The following SYT4 variants were observed in gnomAD, a reference collection of about 807,000 sequenced individuals.
SYT4 encodes the protein synaptotagmin 4.
In SYT4, 7 loss-of-function variants were observed where a neutral mutation model predicts 32.9. The ratio of observed to expected loss-of-function variants is 0.21; its 90% CI spans 0.12 to 0.40. The LOEUF (loss-of-function observed/expected upper bound fraction) is 0.40. Ranked by LOEUF, SYT4 falls within the 10% of genes least tolerant of loss-of-function variation. SYT4 has a pLI of 1.00. For synonymous variants in SYT4, 205 were observed against 186.2 expected, an observed-to-expected ratio of 1.10 and a Z score of -0.82; for missense variants, 480 against 488.0, an observed-to-expected ratio of 0.98 and a Z score of 0.16.
At chr18:43,275,968 G>T (rs1390219980) in intron 1 of SYT4, among the ~76,000 whole-genome samples, 1 of 152,092 alleles carries the variant, frequency 6.6e-6, no homozygotes, top group Non-Finnish European at 1.5e-5. Flanking sequence ...TGAACTGAGA[G>T]AGTTCTTTAG....
chr18:43,270,324 A>T lies in SYT4; in HGVS notation c.*17T>A. The T allele has an allele frequency of 6.2e-7, 1 of 1,605,352 alleles. No homozygotes were observed. The highest frequency in any genetic ancestry group is 8.5e-7 in the Non-Finnish European group (1 of 1,173,962). On this transcript the variant is annotated 3_prime_UTR_variant, in exon 4 of 4. Coordinates refer to ENST00000255224, the MANE Select transcript of SYT4 (RefSeq NM_020783.4). Reference sequence around the variant, plus strand: ...TGCCTAGTAAAAACCTTTAAGTTCCAACTCACGGCTAGGATGCTAACCATC... The same window carrying T: ...TGCCTAGTAAAAACCTTTAAGTTCCTACTCACGGCTAGGATGCTAACCATC...
Position 43,271,624 on chromosome 18 carries a change from G to A in SYT4, c.970+88C>T. On this transcript the variant is annotated intron_variant, in intron 3 of 3. Transcript: ENST00000255224. ...CAGATACATAAGGTATTAGAGAAAA[G>A]ATAGAAGAGTAAGAGTAGGTGGGCT... 6 of 1,526,718 alleles carry A rather than the reference G, an allele frequency of 3.9e-6. 1 individual carries two copies. In the South Asian group the frequency reaches 7.3e-5, roughly 19 times the overall value. 94.6% of individuals were successfully genotyped at this position (1,526,718 alleles called of 1,614,324 possible).
chr18:43,270,154 A>G lies in SYT4; in HGVS notation c.*187T>C, dbSNP rs893614485. 3.2e-6 allele frequency: 2 copies of G among 632,584 alleles called. No homozygotes were observed. Among genetic ancestry groups the G allele is most frequent in the Non-Finnish European group, 2.7e-6 (1 of 367,150 alleles). 39.2% of individuals were successfully genotyped at this position (632,584 alleles called of 1,614,324 possible). A position where few individuals can be genotyped will look rare whatever the true frequency, so the allele number is the denominator to read the frequency against. On this transcript the variant is annotated 3_prime_UTR_variant, in exon 4 of 4. Coordinates refer to ENST00000255224, the MANE Select transcript of SYT4 (RefSeq NM_020783.4). ...TGAAAATTTATCCAACTCTTCTAAT[A>G]AATAGGGAAATTATCATAATACACA...
Position 43,274,353 on chromosome 18 carries a change from G to A in SYT4, c.76C>T (p.Leu26=). The A allele has an allele frequency of 6.2e-7, 1 of 1,609,864 alleles. No homozygotes were observed. Among genetic ancestry groups the A allele is most frequent in the South Asian group, 1.1e-5 (1 of 90,470 alleles). Residue 26 remains leucine (L), a synonymous_variant, in exon 2 of 4, where the codon CTG becomes TTG. Transcript: ENST00000255224. ...GCAAAGAGAGAGACTGTGAAGACCA[G>A]GCCAAATGCACTGAAGATCCCCACC... ...TVVGIFSAFG[L]VFTVSLFAWI...
chr18:43,274,298 T>C lies in SYT4; in HGVS notation c.131A>G (p.Lys44Arg). ...AWICCQRKSS[K>R]SNKTPPYKFV... ...CTTGTATGGAGGAGTCTTGTTAGAC[T>C]TGGATGATTTTCTCTGACAGCAGAT... Residue 44 changes from lysine (K) to arginine (R), a missense_variant, in exon 2 of 4, where the codon AAG becomes AGG. Physicochemically the swap from Lys to Arg is conservative, Grantham distance 26 (BLOSUM62 2). Coordinates refer to ENST00000255224, the MANE Select transcript of SYT4 (RefSeq NM_020783.4). The C allele has an allele frequency of 6.2e-7, 1 of 1,613,858 alleles. No individual in the cohort carries two copies. Among genetic ancestry groups the C allele is most frequent in the South Asian group, 1.1e-5 (1 of 91,082 alleles).
Position 43,274,473 on chromosome 18 carries a change from C to A in SYT4, c.35-79G>T, listed in dbSNP as rs139288295. On this transcript the variant is annotated intron_variant, in intron 1 of 3. Coordinates refer to ENST00000255224, the MANE Select transcript of SYT4 (RefSeq NM_020783.4). ...GAGCCTTTTGAAAAGCCTAATAGAG[C>A]TAGCAATTGCTATAGGTTGGATAGA... 511 of 1,114,116 alleles carry A rather than the reference C, an allele frequency of 4.6e-4. 2 individuals are homozygous for A. In the African/African-American group the frequency reaches 6.7e-3, roughly 15 times the overall value. The allele number at this position is 1,114,116 out of a possible 1,614,324, so 69.0% of individuals were successfully genotyped here. A position where few individuals can be genotyped will look rare whatever the true frequency, so the allele number is the denominator to read the frequency against.
At chr18:43,270,959 T>G (rs892167867) in intron 3 of SYT4, among the ~76,000 whole-genome samples, 6 of 152,064 alleles carry the variant, frequency 3.9e-5, no homozygotes, top group Admixed American at 2.0e-4. Context: ...TGATTACTAT[T>G]AACTTACTCC....
intron 2 of SYT4, among the ~76,000 whole-genome samples, chr18:43,273,044 A>G (rs1300269554): frequency 6.6e-6 from 1 of 152,124 alleles, no homozygotes; most frequent in Non-Finnish European, 1.5e-5. Flanking sequence ...GTAACTACAA[A>G]AATAGCGGGA....
chr18:43,271,709 T>C lies in SYT4; in HGVS notation c.970+3A>G, dbSNP rs2144365645. ...AATCTGAATATTTCAGAAGCATTCT[T>C]ACCTGAAAGTCCGGACACATCAGAT... is the stretch of plus-strand genomic sequence containing the variant. On this transcript the variant is annotated splice_donor_region_variant and intron_variant, in intron 3 of 3. Transcript: ENST00000255224. 2 of 1,612,708 alleles carry C rather than the reference T, an allele frequency of 1.2e-6. No homozygotes were observed. Among genetic ancestry groups the C allele is most frequent in the East Asian group, 2.2e-5 (1 of 44,762 alleles).
chr18:43,276,953 AC>A (rs1207567848), intron 1 of SYT4, among the ~76,000 whole-genome samples: 1 of 152,094 alleles, frequency 6.6e-6, no homozygotes, highest in Non-Finnish European at 1.5e-5. Flanking sequence ...GGAAAAACAG[AC>A]CCCTTTTTCT....
chr18:43,272,104 G>T, intron 2 of SYT4: 2 of 214,688 alleles, frequency 9.3e-6, no homozygotes, highest in South Asian at 9.1e-5. Context: ...AATGTTTAAA[G>T]GATATTTAAA....
chr18:43,270,728 T>C, intron 3 of SYT4, 80 bp from the exon 4 acceptor site: 6 of 1,466,224 alleles, frequency 4.1e-6, no homozygotes, highest in Non-Finnish European at 5.6e-6. Flanking sequence ...CCCTTAGAGA[T>C]CATGGCATGC....
In SYT4 at chr18:43,270,637, T is replaced by G; in HGVS notation, c.982A>C (p.Lys328Gln). 1 of 1,613,656 alleles carries G rather than the reference T, an allele frequency of 6.2e-7. No individual in the cohort carries two copies. The highest frequency in any genetic ancestry group is 8.5e-7 in the Non-Finnish European group (1 of 1,179,748). ...DVSGLSDPYV[K>Q]VNLYHAKKRI... ...TTTTTGGCATGGTACAGGTTCACTT[T>G]GACATAGGGATCTGCAGTGGAACAT... The change falls in exon 4 of 4, where the codon AAA (lysine) becomes CAA (glutamine). Residue 328 changes from lysine (K) to glutamine (Q), a missense_variant. Lys to Gln is a moderately conservative substitution (Grantham distance 53). Coordinates refer to ENST00000255224, the MANE Select transcript of SYT4 (RefSeq NM_020783.4).
rs958575491 is a variant in SYT4, at chr18:43,273,665, C to G, written c.764G>C (p.Gly255Ala). 1 of 1,613,774 alleles carries G rather than the reference C, an allele frequency of 6.2e-7. No homozygotes were observed. The highest frequency in any genetic ancestry group is 1.1e-5 in the South Asian group (1 of 91,060). ...TCCCGAGAGAGGAATTAGAACTTCC[C>G]CAATGATATCATCTCTTGAAAACCT... ...FDRFSRDDII[G>A]EVLIPLSGIE... The change falls in exon 2 of 4, where the codon GGG becomes GCG. Residue 255 changes from glycine to alanine, a missense_variant. By Grantham distance (60) the Gly-to-Ala change is moderately conservative. Transcript: ENST00000255224.
intron 3 of SYT4, among the ~76,000 whole-genome samples, chr18:43,271,285 C>G (rs892095783): frequency 3.9e-5 from 6 of 152,042 alleles, no homozygotes; most frequent in Admixed American, 1.3e-4. Context: ...TTTAGCTTCA[C>G]AATCTAATCT....
In SYT4 at chr18:43,273,958, G is replaced by A. The variant is rs1215257625; in HGVS notation, c.471C>T (p.Leu157=). 1 of 1,613,980 alleles carries A rather than the reference G, an allele frequency of 6.2e-7. No individual in the cohort carries two copies. Among genetic ancestry groups the A allele is most frequent in the East Asian group, 2.2e-5 (1 of 44,834 alleles). ...CGAAGTTGTATTCTAAGGAGAAGAA[G>A]AGAGTTCCCAGCTTCTCTTGTTTCT... The part of the protein sequence containing the change: ...SEEKQEKLGT[L]FFSLEYNFER... Residue 157 remains leucine, a synonymous_variant, in exon 2 of 4, where the codon CTC becomes CTT. Coordinates refer to ENST00000255224, the MANE Select transcript of SYT4 (RefSeq NM_020783.4).
chr18:43,276,258 C>T (rs950416505), intron 1 of SYT4, among the ~76,000 whole-genome samples: 1 of 152,082 alleles, frequency 6.6e-6, no homozygotes. Context: ...AACGTGGAAA[C>T]ACTTATCTAC....
In SYT4 at chr18:43,274,300, G is replaced by C; in HGVS notation, c.129C>G (p.Ser43=). The C allele has an allele frequency of 4.3e-6, 7 of 1,613,778 alleles. No individual in the cohort carries two copies. Among genetic ancestry groups the C allele is most frequent in the Non-Finnish European group, 5.9e-6 (7 of 1,179,888 alleles). The change falls in exon 2 of 4, where the codon TCC becomes TCG. Residue 43 remains serine, a synonymous_variant. Coordinates refer to ENST00000255224, the MANE Select transcript of SYT4 (RefSeq NM_020783.4). Reference sequence around the variant, plus strand: ...TGTATGGAGGAGTCTTGTTAGACTTGGATGATTTTCTCTGACAGCAGATCC... The same window carrying C: ...TGTATGGAGGAGTCTTGTTAGACTTCGATGATTTTCTCTGACAGCAGATCC... The part of the protein sequence containing the change: ...FAWICCQRKS[S]KSNKTPPYKF...
At chr18:43,271,980 G>T in intron 2 of SYT4, 148 bp from the exon 3 acceptor site, 2 of 884,114 alleles carry the variant, frequency 2.3e-6, no homozygotes, top group Non-Finnish European at 3.1e-6. Flanking sequence ...GTAACTAAAA[G>T]CTTTTGAGCA....
Sources: gnomAD v4.1 joint callset for allele counts (sites outside exome capture counted in the v4.1 genomes callset) on GRCh38, gnomAD v4.1.1 for gene constraint, MANE v1.5 for transcripts, NCBI Gene and HGNC (gene_info 2026-07-23, HGNC 2026-07-21) for gene names.